Variants in PDGFD observed in about 807,000 individuals in gnomAD.
PDGFD encodes platelet derived growth factor D, also known as platelet-derived growth factor D.
A neutral mutation model predicts 44.7 loss-of-function variants in PDGFD; 30 were observed. That is an observed-to-expected ratio of 0.67 (90% CI 0.50 to 0.91). PDGFD has a LOEUF of 0.91. Ranked by LOEUF, PDGFD falls within the 40% of genes least tolerant of loss-of-function variation. PDGFD has a pLI of 0.00. For synonymous variants in PDGFD, 173 were observed against 168.4 expected (o/e 1.03, Z -0.21); for missense variants, 445 against 457.8 (o/e 0.97, Z 0.25).
chr11:103,957,573 A>G (rs1283621253), intron 3 of PDGFD, among the ~76,000 whole-genome samples: 3 of 152,186 alleles, frequency 2.0e-5, no homozygotes, highest in African/African-American at 4.8e-5. Context: ...CATATCTACA[A>G]CTATCTGATC....
intron 1 of PDGFD, among the ~76,000 whole-genome samples, chr11:104,094,557 T>C (rs1457583018): frequency 6.6e-6 from 1 of 152,112 alleles, no homozygotes; most frequent in Admixed American, 6.6e-5. Flanking sequence ...ATAGTATTAT[T>C]ATCTACCCAG....
At chr11:104,103,491 T>C (rs1416028852) in intron 1 of PDGFD, among the ~76,000 whole-genome samples, 1 of 143,226 alleles carries the variant, frequency 7.0e-6, no homozygotes, top group Non-Finnish European at 1.5e-5. Flanking sequence ...TATATATATA[T>C]ATATGAATAT....
chr11:103,998,629 T>C (rs1319633434), intron 2 of PDGFD, among the ~76,000 whole-genome samples: 2 of 152,216 alleles, frequency 1.3e-5, no homozygotes, highest in African/African-American at 2.4e-5. Context: ...TGAGCTGTTC[T>C]GGCAAATTAT....
intron 1 of PDGFD, among the ~76,000 whole-genome samples, chr11:104,126,281 C>T (rs1861840135): frequency 1.3e-5 from 2 of 152,152 alleles, no homozygotes; most frequent in South Asian, 2.1e-4. Context: ...CTCCTCCCTG[C>T]CTGGATTTCA....
At chr11:103,931,338 A>C (rs1286105635) in intron 5 of PDGFD, among the ~76,000 whole-genome samples, 1 of 152,188 alleles carries the variant, frequency 6.6e-6, no homozygotes, top group Non-Finnish European at 1.5e-5. Flanking sequence ...CACTTTGAAC[A>C]TGGGAAAGCA....
intron 1 of PDGFD, among the ~76,000 whole-genome samples, chr11:104,035,600 T>G (rs1163017688): frequency 6.8e-6 from 1 of 146,168 alleles, no homozygotes; most frequent in African/African-American, 2.5e-5. Context: ...GAATTCTTGC[T>G]AATTGATAAT....
At chr11:104,025,261 G>A (rs1190292804) in intron 1 of PDGFD, among the ~76,000 whole-genome samples, 1 of 152,180 alleles carries the variant, frequency 6.6e-6, no homozygotes, top group South Asian at 2.1e-4. Flanking sequence ...AGGACATGCA[G>A]AATTAATAAA....
intron 1 of PDGFD, among the ~76,000 whole-genome samples, chr11:104,150,672 C>T (rs1188916135): frequency 6.6e-6 from 1 of 152,182 alleles, no homozygotes; most frequent in East Asian, 1.9e-4. Flanking sequence ...CTTCCAGCTC[C>T]TGTTTGCTGC....
chr11:104,125,898 T>C (rs1192380258), intron 1 of PDGFD, among the ~76,000 whole-genome samples: 1 of 152,166 alleles, frequency 6.6e-6, no homozygotes, highest in Non-Finnish European at 1.5e-5. Context: ...TACCAGATAT[T>C]CAATTCAGAA....
At chr11:104,140,251 T>A (rs1290022400) in intron 1 of PDGFD, among the ~76,000 whole-genome samples, 1 of 152,158 alleles carries the variant, frequency 6.6e-6, no homozygotes, top group Non-Finnish European at 1.5e-5. Context: ...TGATCAGTCA[T>A]TACCATAAAA....
At chr11:104,042,162 T>A (rs1006856001) in intron 1 of PDGFD, among the ~76,000 whole-genome samples, 3 of 152,230 alleles carry the variant, frequency 2.0e-5, no homozygotes, top group Admixed American at 6.5e-5. Flanking sequence ...TTTTAACTGA[T>A]TCTGTCTTAG....
intron 1 of PDGFD, among the ~76,000 whole-genome samples, chr11:104,151,696 C>G (rs977120955): frequency 6.6e-6 from 1 of 152,066 alleles, no homozygotes. Flanking sequence ...AAAATTCGAA[C>G]ACACAAAAGA....
intron 1 of PDGFD, among the ~76,000 whole-genome samples, chr11:104,155,729 A>AT (rs1201558760): frequency 6.6e-6 from 1 of 152,130 alleles, no homozygotes; most frequent in East Asian, 1.9e-4. Flanking sequence ...ATTTGGTTGC[A>AT]TTTTCCACAG....
intron 1 of PDGFD, among the ~76,000 whole-genome samples, chr11:104,076,906 C>A (rs928144959): frequency 2.6e-5 from 4 of 152,168 alleles, no homozygotes. Context: ...AATATATTTT[C>A]TCTTCATTAT....
chr11:104,135,305 A>G (rs547982103), intron 1 of PDGFD, among the ~76,000 whole-genome samples: 1 of 152,308 alleles, frequency 6.6e-6, no homozygotes, highest in Admixed American at 6.5e-5. Flanking sequence ...AGGGGCACCT[A>G]TCTCAATACT....
chr11:103,999,653 C>T (rs893316560), intron 2 of PDGFD, among the ~76,000 whole-genome samples: 6 of 152,254 alleles, frequency 3.9e-5, no homozygotes, highest in South Asian at 4.1e-4. Context: ...CCTGGGTCAG[C>T]GGGAGCCGGG....
intron 1 of PDGFD, among the ~76,000 whole-genome samples, chr11:104,061,125 T>G (rs1860709161): frequency 6.6e-6 from 1 of 152,202 alleles, no homozygotes; most frequent in South Asian, 2.1e-4. Context: ...GAAGCACATA[T>G]CAGAACTTCA....
intron 1 of PDGFD, among the ~76,000 whole-genome samples, chr11:104,101,195 A>T (rs1861372842): frequency 6.6e-6 from 1 of 152,178 alleles, no homozygotes. Context: ...TTGTATATCT[A>T]GAAAACCCCA....
intron 1 of PDGFD, among the ~76,000 whole-genome samples, chr11:104,040,789 T>C (rs977431134): frequency 2.6e-5 from 4 of 152,092 alleles, no homozygotes; most frequent in Middle Eastern, 3.4e-3. Flanking sequence ...CAAACACAGA[T>C]ATGTATTTCT....
Sources: gnomAD v4.1 joint callset for allele counts (sites outside exome capture counted in the v4.1 genomes callset) on GRCh38, gnomAD v4.1.1 for gene constraint, MANE v1.5 for transcripts, NCBI Gene and HGNC (gene_info 2026-07-23, HGNC 2026-07-21) for gene names.